SCAF8: variants seen among roughly 807,000 people sequenced by gnomAD.
The protein encoded by SCAF8 is SR-related and CTD-associated factor 8.
Under a neutral mutation model 140.5 loss-of-function variants are expected in SCAF8, and 23 were observed. That is an observed-to-expected ratio of 0.16 (90% CI 0.12 to 0.23). The LOEUF is 0.23. Ranked by LOEUF, SCAF8 falls within the 10% of genes least tolerant of loss-of-function variation. The probability of loss-of-function intolerance (pLI) is 1.00; values close to 1 mark genes in which losing one functional copy is unlikely to be tolerated. For missense variants in SCAF8, 1,397 were observed against 1,555.7 expected (o/e 0.90, Z 1.72); for synonymous variants, 575 against 528.9 (o/e 1.09, Z -1.20).
intron 12 of SCAF8, among the ~76,000 whole-genome samples, chr6:154,814,199 C>G (rs1181390242): frequency 2.0e-5 from 3 of 152,182 alleles, no homozygotes. Context: ...ATGACGCACA[C>G]CTGTAGTCCC....
At chr6:154,793,770 G>A (rs1013219290) in intron 5 of SCAF8, among the ~76,000 whole-genome samples, 3 of 141,562 alleles carry the variant, frequency 2.1e-5, no homozygotes, top group African/African-American at 5.4e-5. Flanking sequence ...AGGCGAGATC[G>A]CGCCGTTGCA....
intron 18 of SCAF8, among the ~76,000 whole-genome samples, chr6:154,829,905 C>CA (rs963471532): frequency 5.3e-5 from 8 of 151,516 alleles, no homozygotes; most frequent in East Asian, 1.9e-4. Context: ...GAGACTGTCT[C>CA]AAAAAAAAGA....
At chr6:154,808,511 C>T (rs192185053) in intron 10 of SCAF8, among the ~76,000 whole-genome samples, 175 bp from the exon 11 acceptor site, 141 of 151,444 alleles carry the variant, frequency 9.3e-4, no homozygotes, top group Non-Finnish European at 1.3e-3. Flanking sequence ...GTATATTTTA[C>T]GTGTGGCCAA....
intron 8 of SCAF8, among the ~76,000 whole-genome samples, chr6:154,804,737 G>C (rs1448347547): frequency 6.6e-6 from 1 of 152,098 alleles, no homozygotes; most frequent in Non-Finnish European, 1.5e-5. Flanking sequence ...TCACCATCCT[G>C]TTTGGCTCTT....
At chr6:154,815,651 A>G (rs992213042) in intron 12 of SCAF8, 65 bp from the exon 13 acceptor site, 28 of 830,390 alleles carry the variant, frequency 3.4e-5, no homozygotes, top group Non-Finnish European at 4.8e-5. Context: ...TTTTTCCTCA[A>G]TTACTTTTCA....
intron 17 of SCAF8, among the ~76,000 whole-genome samples, chr6:154,826,348 T>G (rs1778567203): frequency 6.6e-6 from 1 of 152,146 alleles, no homozygotes; most frequent in Non-Finnish European, 1.5e-5. Context: ...TTCCTTATTT[T>G]TAGCCACTTT....
chr6:154,790,026 T>C (rs1777367972), intron 4 of SCAF8, among the ~76,000 whole-genome samples: 1 of 152,232 alleles, frequency 6.6e-6, no homozygotes, highest in South Asian at 2.1e-4. Flanking sequence ...TGATTAAATC[T>C]TTCTTGAATG....
At chr6:154,811,670 A>G (rs1778094609) in intron 12 of SCAF8, among the ~76,000 whole-genome samples, 1 of 151,992 alleles carries the variant, frequency 6.6e-6, no homozygotes, top group African/African-American at 2.4e-5. Flanking sequence ...TATTTCTCCT[A>G]ATGCTACCCT....
At chr6:154,738,706 G>A (rs1778491566) in intron 1 of SCAF8, among the ~76,000 whole-genome samples, 1 of 152,206 alleles carries the variant, frequency 6.6e-6, no homozygotes, top group African/African-American at 2.4e-5. Context: ...CGCTTGTAAT[G>A]ATTTAGCATT....
intron 3 of SCAF8, among the ~76,000 whole-genome samples, chr6:154,779,626 GT>G (rs1443504501): frequency 6.6e-6 from 1 of 152,158 alleles, no homozygotes; most frequent in African/African-American, 2.4e-5. Flanking sequence ...AATGAGCAAA[GT>G]TACTCTATCG....
chr6:154,813,716 G>A (rs1368112160), intron 12 of SCAF8, among the ~76,000 whole-genome samples: 1 of 152,104 alleles, frequency 6.6e-6, no homozygotes, highest in Non-Finnish European at 1.5e-5. Context: ...CATGAGGTGG[G>A]GAGATGAACC....
chr6:154,832,209 C>G lies in SCAF8; in HGVS notation c.2630C>G (p.Pro877Arg), dbSNP rs1190570885. ...TTGGGAGTGCTACCCCCAAATATACCTAACAATTCTGGACTTGTAGGAGTA... is the reference window on the plus strand; with the variant it reads ...TTGGGAGTGCTACCCCCAAATATACGTAACAATTCTGGACTTGTAGGAGTA... ...GLLGVLPPNI[P>R]NNSGLVGVQP... The change falls in exon 20 of 20, where the codon CCT (proline) becomes CGT (arginine). Residue 877 changes from proline (P) to arginine (R), a missense_variant. By Grantham distance (103) the Pro-to-Arg change is moderately radical. This residue lies in a region of SCAF8 where 930 missense variants were observed against 874.6 expected (regional missense o/e 1.06). Coordinates refer to ENST00000367178, the MANE Select transcript of SCAF8 (RefSeq NM_014892.5). 3.1e-6 allele frequency: 5 copies of G among 1,614,120 alleles called. No homozygotes were observed. In the South Asian group the frequency reaches 5.5e-5, roughly 18 times the overall value.
chr6:154,765,983 T>C (rs1456444469), intron 1 of SCAF8, among the ~76,000 whole-genome samples: 1 of 152,132 alleles, frequency 6.6e-6, no homozygotes, highest in Non-Finnish European at 1.5e-5. Flanking sequence ...AGACTACTGT[T>C]GACCAGTAAC....
intron 1 of SCAF8, among the ~76,000 whole-genome samples, chr6:154,765,868 T>C (rs898814753): frequency 1.3e-5 from 2 of 152,124 alleles, no homozygotes; most frequent in African/African-American, 4.8e-5. Flanking sequence ...GAGAAATAGT[T>C]GGAGGCATAT....
chr6:154,733,757 C>T lies in SCAF8; in HGVS notation c.-144C>T. 10 of 1,357,454 alleles carry T rather than the reference C, an allele frequency of 7.4e-6. No individual in the cohort carries two copies. The highest frequency in any genetic ancestry group is 2.7e-4 in the Middle Eastern group (1 of 3,722). 84.1% of individuals were successfully genotyped at this position (1,357,454 alleles called of 1,614,324 possible). A position where few individuals can be genotyped will look rare whatever the true frequency, so the allele number is the denominator to read the frequency against. ...TTCCCCGCCAGCGCGTGCCCTTCCA[C>T]TCCGCCCCGAGGTCGCAGCGGCCCG... is the stretch of plus-strand genomic sequence containing the variant. On this transcript the variant is annotated 5_prime_UTR_variant, in exon 1 of 20. Coordinates refer to ENST00000367178, the MANE Select transcript of SCAF8 (RefSeq NM_014892.5).
At chr6:154,831,179 T>G in intron 19 of SCAF8, 39 bp downstream of exon 19, 1 of 1,263,998 alleles carries the variant, frequency 7.9e-7, no homozygotes. Flanking sequence ...AGAGGTTGCC[T>G]CTCTGTATTT....
intron 3 of SCAF8, among the ~76,000 whole-genome samples, chr6:154,783,122 C>A (rs1431053111): frequency 6.6e-6 from 1 of 152,152 alleles, no homozygotes; most frequent in Non-Finnish European, 1.5e-5. Flanking sequence ...TTTCTACCAT[C>A]CATAGCTCTG....
chr6:154,819,541 T>A (rs1778353348), intron 14 of SCAF8, among the ~76,000 whole-genome samples: 2 of 152,262 alleles, frequency 1.3e-5, no homozygotes, highest in Admixed American at 1.3e-4. Context: ...TAGTGAGCCA[T>A]GATCATGCTA....
chr6:154,826,212 T>C (rs1477624864), intron 17 of SCAF8, among the ~76,000 whole-genome samples: 1 of 152,140 alleles, frequency 6.6e-6, no homozygotes, highest in East Asian at 1.9e-4. Flanking sequence ...TTTCTGTATT[T>C]GTGATTTCAA....
Sources: allele counts gnomAD v4.1 joint callset (sites outside exome capture counted in the v4.1 genomes callset), GRCh38; gene constraint gnomAD v4.1.1; regional missense constraint gnomAD v4.1.1; transcripts MANE v1.5; gene names NCBI Gene and HGNC (gene_info 2026-07-23, HGNC 2026-07-21).